Variants in PTPRM observed in about 807,000 individuals in gnomAD.
PTPRM encodes the protein receptor-type tyrosine-protein phosphatase mu.
PTPRM carries 47 observed loss-of-function variants against 186.7 expected under a neutral mutation model. That is an observed-to-expected ratio of 0.25 (90% CI 0.20 to 0.32). The LOEUF is 0.32. Among genes scored for constraint, PTPRM ranks in the 10% least tolerant of loss-of-function variants. PTPRM has a pLI of 1.00. For synonymous variants in PTPRM, 668 were observed against 674.9 expected, an observed-to-expected ratio of 0.99 and a Z score of 0.16; for missense variants, 1,494 against 1,865.0, an observed-to-expected ratio of 0.80 and a Z score of 3.66.
chr18:7,881,674 A>G (rs2048516293), intron 2 of PTPRM, among the ~76,000 whole-genome samples: 1 of 152,152 alleles, frequency 6.6e-6, no homozygotes, highest in South Asian at 2.1e-4. Flanking sequence ...CACCTGGCTT[A>G]GGCACTGGTG....
At chr18:7,751,776 C>T (rs1001370933) in intron 1 of PTPRM, among the ~76,000 whole-genome samples, 1 of 152,236 alleles carries the variant, frequency 6.6e-6, no homozygotes, top group African/African-American at 2.4e-5. Flanking sequence ...ACACTAACTA[C>T]TGCAAAAGCC....
At chr18:7,578,272 T>C (rs2036743401) in intron 1 of PTPRM, among the ~76,000 whole-genome samples, 1 of 151,456 alleles carries the variant, frequency 6.6e-6, no homozygotes, top group Non-Finnish European at 1.5e-5. Flanking sequence ...CGAGCGATCC[T>C]CCCACCTCAG....
intron 2 of PTPRM, among the ~76,000 whole-genome samples, chr18:7,786,516 A>G (rs2043102997): frequency 6.6e-6 from 1 of 152,212 alleles, no homozygotes; most frequent in Non-Finnish European, 1.5e-5. Flanking sequence ...AAAAAATTGA[A>G]ATCCTTGGCA....
At chr18:7,815,357 G>A (rs1040244291) in intron 2 of PTPRM, 1 of 152,210 alleles carries the variant, frequency 6.6e-6, no homozygotes, top group African/African-American at 2.4e-5. Flanking sequence ...GGCCTCCTGT[G>A]CGGCAGCAGT....
At chr18:8,171,112 C>T (rs2093394584) in intron 14 of PTPRM, among the ~76,000 whole-genome samples, 1 of 152,188 alleles carries the variant, frequency 6.6e-6, no homozygotes, top group Non-Finnish European at 1.5e-5. Flanking sequence ...AAAGATTCTA[C>T]ATTAGATTCA....
intron 2 of PTPRM, among the ~76,000 whole-genome samples, chr18:7,827,745 GA>G (rs1567878928): frequency 6.6e-6 from 1 of 152,186 alleles, no homozygotes; most frequent in Non-Finnish European, 1.5e-5. Flanking sequence ...GTAGTGTTCT[GA>G]TTTCCCATGT....
chr18:7,655,221 G>A (rs577165598), intron 1 of PTPRM, among the ~76,000 whole-genome samples: 42 of 151,790 alleles, frequency 2.8e-4, no homozygotes, highest in African/African-American at 9.2e-4. Flanking sequence ...TTTTCACACC[G>A]GCTAATTTAA....
At chr18:7,814,804 T>G (rs2044719769) in intron 2 of PTPRM, 1 of 152,250 alleles carries the variant, frequency 6.6e-6, no homozygotes, top group Non-Finnish European at 1.5e-5. Flanking sequence ...CTTGTCTTAG[T>G]CATTAGCGAA....
intron 7 of PTPRM, among the ~76,000 whole-genome samples, chr18:8,010,658 G>A (rs2084473591): frequency 6.6e-6 from 1 of 152,188 alleles, no homozygotes; most frequent in Non-Finnish European, 1.5e-5. Context: ...CCATGGACTT[G>A]GTGAGATGGA....
At chr18:8,302,710 A>G (rs754325382) in intron 20 of PTPRM, among the ~76,000 whole-genome samples, 5 of 152,048 alleles carry the variant, frequency 3.3e-5, no homozygotes, top group East Asian at 1.9e-4. Flanking sequence ...AGAGCCAGAG[A>G]TGACTCCTGC....
intron 1 of PTPRM, among the ~76,000 whole-genome samples, chr18:7,598,022 A>T (rs547861257): frequency 6.6e-6 from 1 of 152,336 alleles, no homozygotes; most frequent in African/African-American, 2.4e-5. Flanking sequence ...TTTAAAAAAA[A>T]TTGTTAATAT....
At chr18:8,293,788 A>G (rs975510632) in intron 19 of PTPRM, among the ~76,000 whole-genome samples, 2 of 152,200 alleles carry the variant, frequency 1.3e-5, no homozygotes, top group African/African-American at 2.4e-5. Context: ...GTTTGAATAA[A>G]TCCCCTGATT....
chr18:7,751,698 G>T (rs1031273751), intron 1 of PTPRM, among the ~76,000 whole-genome samples: 60 of 152,140 alleles, frequency 3.9e-4, no homozygotes, highest in Admixed American at 1.2e-3. Context: ...TCCTGATAGA[G>T]AATTAAATGA....
At chr18:7,714,674 A>G (rs1273879527) in intron 1 of PTPRM, among the ~76,000 whole-genome samples, 2 of 152,210 alleles carry the variant, frequency 1.3e-5, no homozygotes, top group African/African-American at 4.8e-5. Flanking sequence ...AATAAAAATG[A>G]TAAAGGGGGT....
chr18:7,600,850 G>A (rs1379185837), intron 1 of PTPRM, among the ~76,000 whole-genome samples: 1 of 152,242 alleles, frequency 6.6e-6, no homozygotes, highest in Non-Finnish European at 1.5e-5. Flanking sequence ...TGCTGCACTT[G>A]TGTCTACCTG....
At chr18:8,351,474 C>T (rs1298127203) in intron 23 of PTPRM, among the ~76,000 whole-genome samples, 1 of 152,190 alleles carries the variant, frequency 6.6e-6, no homozygotes, top group Non-Finnish European at 1.5e-5. Flanking sequence ...TCTGCAAACT[C>T]ACCTTCTCAG....
chr18:7,906,449 C>T, intron 3 of PTPRM, 56 bp from the exon 4 acceptor site: 2 of 1,364,276 alleles, frequency 1.5e-6, no homozygotes, highest in Non-Finnish European at 2.1e-6. Context: ...ATAGGAGATA[C>T]TTGGTAAAAG....
intron 13 of PTPRM, among the ~76,000 whole-genome samples, chr18:8,132,962 CAAT>C (rs1180643982): frequency 6.6e-6 from 1 of 152,066 alleles, no homozygotes; most frequent in African/African-American, 2.4e-5. Context: ...CATTTATAAA[CAAT>C]AAAAATTTAT....
At chr18:7,612,885 C>G (rs951529782) in intron 1 of PTPRM, among the ~76,000 whole-genome samples, 12 of 152,146 alleles carry the variant, frequency 7.9e-5, no homozygotes, top group African/African-American at 2.9e-4. Flanking sequence ...TAGCTCCCAT[C>G]GAGTAGAAGG....
Sources: allele counts gnomAD v4.1 joint callset (sites outside exome capture counted in the v4.1 genomes callset), GRCh38; gene constraint gnomAD v4.1.1; transcripts MANE v1.5; gene names NCBI Gene and HGNC (gene_info 2026-07-23, HGNC 2026-07-21).